The following KCNB2 variants were observed in gnomAD, a reference collection of about 807,000 sequenced individuals.
KCNB2 encodes potassium voltage-gated channel subfamily B member 2.
KCNB2 carries 15 observed loss-of-function variants against 61.5 expected under a neutral mutation model. That is an observed-to-expected ratio of 0.24 (90% confidence interval 0.16 to 0.38). KCNB2 has a LOEUF of 0.38. KCNB2 is among the 10% of genes least tolerant of loss of function. The probability of loss-of-function intolerance (pLI) is 1.00; values close to 1 mark genes in which losing one functional copy is unlikely to be tolerated. For synonymous variants in KCNB2, 457 were observed against 446.0 expected (o/e 1.02, Z -0.31); for missense variants, 828 against 1,125.2 (o/e 0.74, Z 3.78).
intron 2 of KCNB2, among the ~76,000 whole-genome samples, chr8:72,619,575 C>G (rs1207816745): frequency 1.3e-5 from 2 of 150,918 alleles, no homozygotes; most frequent in African/African-American, 4.9e-5. Flanking sequence ...CCTCTTTCTC[C>G]TCCTGGGGCT....
chr8:72,748,378 T>C (rs566633893), intron 2 of KCNB2, among the ~76,000 whole-genome samples: 1 of 152,290 alleles, frequency 6.6e-6, no homozygotes, highest in South Asian at 2.1e-4. Flanking sequence ...CCTTTCTCTG[T>C]TCTGGATGAT....
intron 2 of KCNB2, among the ~76,000 whole-genome samples, chr8:72,608,529 A>T (rs370799063): frequency 4.1e-4 from 63 of 152,062 alleles, no homozygotes; most frequent in Admixed American, 6.6e-4. Flanking sequence ...GGGCTGTGGA[A>T]CTGGAGATGG....
intron 2 of KCNB2, among the ~76,000 whole-genome samples, chr8:72,797,239 G>A (rs1472187463): frequency 2.0e-5 from 3 of 152,130 alleles, no homozygotes; most frequent in Non-Finnish European, 4.4e-5. Context: ...TATCTTAAAA[G>A]ATTTTTGAAG....
At chr8:72,917,420 A>C (rs1806422361) in intron 2 of KCNB2, among the ~76,000 whole-genome samples, 1 of 152,244 alleles carries the variant, frequency 6.6e-6, no homozygotes, top group East Asian at 1.9e-4. Context: ...AATATGAATA[A>C]TAGAGAATTT....
chr8:72,919,498 TC>T (rs1806465135), intron 2 of KCNB2, among the ~76,000 whole-genome samples: 1 of 152,208 alleles, frequency 6.6e-6, no homozygotes, highest in Non-Finnish European at 1.5e-5. Flanking sequence ...CACTGTTTTT[TC>T]CATCATCAGA....
intron 2 of KCNB2, among the ~76,000 whole-genome samples, chr8:72,758,905 A>T (rs1808335261): frequency 6.6e-6 from 1 of 152,212 alleles, no homozygotes; most frequent in Non-Finnish European, 1.5e-5. Context: ...TACTTAAAAT[A>T]AGCCAAGTGC....
chr8:72,664,324 A>C (rs560911681), intron 2 of KCNB2, among the ~76,000 whole-genome samples: 1 of 152,200 alleles, frequency 6.6e-6, no homozygotes, highest in Non-Finnish European at 1.5e-5. Context: ...AGTTTCCTAC[A>C]TTTTGTGCAA....
chr8:72,542,514 A>T (rs984461267), intron 1 of KCNB2, among the ~76,000 whole-genome samples: 2 of 152,120 alleles, frequency 1.3e-5, no homozygotes, highest in African/African-American at 2.4e-5. Flanking sequence ...TGTTAGTATT[A>T]AAAAAACCCA....
chr8:72,734,540 A>T (rs1226560504), intron 2 of KCNB2, among the ~76,000 whole-genome samples: 1 of 152,196 alleles, frequency 6.6e-6, no homozygotes, highest in African/African-American at 2.4e-5. Flanking sequence ...TATTTTTAAG[A>T]AGCTGGATGC....
intron 2 of KCNB2, among the ~76,000 whole-genome samples, chr8:72,810,418 C>G (rs1465491502): frequency 1.3e-5 from 2 of 152,236 alleles, no homozygotes; most frequent in Non-Finnish European, 2.9e-5. Flanking sequence ...CCTGCAGGCT[C>G]TGCTGTGGTG....
chr8:72,783,731 G>C (rs189729627), intron 2 of KCNB2, among the ~76,000 whole-genome samples: 12 of 152,248 alleles, frequency 7.9e-5, no homozygotes, highest in African/African-American at 2.9e-4. Flanking sequence ...CCTGCCTTTT[G>C]TTTCCTGCGT....
intron 2 of KCNB2, among the ~76,000 whole-genome samples, chr8:72,804,114 G>A (rs546343667): frequency 4.6e-5 from 7 of 152,244 alleles, no homozygotes; most frequent in African/African-American, 7.2e-5. Context: ...CCAAGGCAGT[G>A]GGAAGCAATC....
intron 2 of KCNB2, among the ~76,000 whole-genome samples, chr8:72,778,026 T>G (rs1043496371): frequency 6.6e-6 from 1 of 152,210 alleles, no homozygotes; most frequent in African/African-American, 2.4e-5. Flanking sequence ...GCATGGGATA[T>G]TAGAGGTGCT....
At chr8:72,914,151 A>G (rs773148022) in intron 2 of KCNB2, among the ~76,000 whole-genome samples, 18 of 152,204 alleles carry the variant, frequency 1.2e-4, no homozygotes, top group Non-Finnish European at 4.4e-5. Context: ...GTGTCCTCAC[A>G]TGTGATCTCT....
At chr8:72,573,234 A>G (rs1395733751) in intron 2 of KCNB2, among the ~76,000 whole-genome samples, 1 of 152,188 alleles carries the variant, frequency 6.6e-6, no homozygotes, top group Admixed American at 6.5e-5. Context: ...TTCTCATTCT[A>G]TTTATAGTAT....
At chr8:72,626,746 G>C (rs969866613) in intron 2 of KCNB2, among the ~76,000 whole-genome samples, 1 of 152,202 alleles carries the variant, frequency 6.6e-6, no homozygotes, top group Non-Finnish European at 1.5e-5. Context: ...CAGAACTGGT[G>C]CCCTTGACCA....
At chr8:72,631,473 T>C (rs1276427545) in intron 2 of KCNB2, among the ~76,000 whole-genome samples, 1 of 152,204 alleles carries the variant, frequency 6.6e-6, no homozygotes, top group Non-Finnish European at 1.5e-5. Context: ...GCTGTTTGCA[T>C]CTCTGTGTCC....
intron 2 of KCNB2, among the ~76,000 whole-genome samples, chr8:72,795,530 A>G (rs1161777486): frequency 1.3e-5 from 2 of 152,260 alleles, no homozygotes; most frequent in African/African-American, 4.8e-5. Context: ...GAGCAAATCC[A>G]TGTGCCACAC....
intron 2 of KCNB2, among the ~76,000 whole-genome samples, chr8:72,648,834 A>G (rs1806170188): frequency 6.6e-6 from 1 of 152,168 alleles, no homozygotes; most frequent in Non-Finnish European, 1.5e-5. Flanking sequence ...ACAGATAGAA[A>G]ACTATATTAT....
Sources: allele counts gnomAD v4.1 joint callset (sites outside exome capture counted in the v4.1 genomes callset), GRCh38; gene constraint gnomAD v4.1.1; transcripts MANE v1.5; gene names NCBI Gene and HGNC (gene_info 2026-07-23, HGNC 2026-07-21).